Variants in CPB1 observed in about 807,000 individuals in gnomAD.
The protein encoded by CPB1 is carboxypeptidase B1.
CPB1 carries 53 observed loss-of-function variants against 51.4 expected under a neutral mutation model. That is an observed-to-expected ratio of 1.03 (90% CI 0.83 to 1.30). The LOEUF is 1.30. Ranked by LOEUF, CPB1 falls within the 50% of genes most tolerant of loss-of-function variation. CPB1 has a pLI of 0.00. For synonymous variants in CPB1, 189 were observed against 186.9 expected, an observed-to-expected ratio of 1.01 and a Z score of -0.09; for missense variants, 494 against 516.2, an observed-to-expected ratio of 0.96 and a Z score of 0.42.
At chr3:148,843,967 A>C (rs901353779) in intron 6 of CPB1, among the ~76,000 whole-genome samples, 2 of 152,152 alleles carry the variant, frequency 1.3e-5, no homozygotes, top group Non-Finnish European at 2.9e-5. Context: ...CATTCTCATT[A>C]CCTTGTTATA....
At chr3:148,834,239 C>A (rs543232166) in intron 2 of CPB1, among the ~76,000 whole-genome samples, 62 of 152,316 alleles carry the variant, frequency 4.1e-4, no homozygotes, top group African/African-American at 1.4e-3. Context: ...ATACAACCAA[C>A]TAGCATTATG....
intron 9 of CPB1, chr3:148,855,002 G>C (rs1713532947): frequency 6.6e-6 from 1 of 152,322 alleles, no homozygotes; most frequent in Non-Finnish European, 1.5e-5. Context: ...ATGGAGGTCA[G>C]GAGAAGCAGG....
At chr3:148,846,754 T>C (rs67364500) in intron 9 of CPB1, among the ~76,000 whole-genome samples, 2 of 390 alleles carry the variant, frequency 5.1e-3, no homozygotes, top group Non-Finnish European at 0.011. Flanking sequence ...TATATATATA[T>C]ACATATATAT....
At chr3:148,829,640 G>T (rs1467992203) in intron 2 of CPB1, among the ~76,000 whole-genome samples, 1 of 152,028 alleles carries the variant, frequency 6.6e-6, no homozygotes, top group Admixed American at 6.5e-5. Flanking sequence ...AGTCATCCAG[G>T]GCAATAACTC....
chr3:148,842,247 A>T (rs1472719781), intron 6 of CPB1, among the ~76,000 whole-genome samples: 1 of 152,116 alleles, frequency 6.6e-6, no homozygotes, highest in African/African-American at 2.4e-5. Context: ...TATTTATTTG[A>T]ATTTCACTCA....
intron 9 of CPB1, among the ~76,000 whole-genome samples, chr3:148,846,781 A>ATATGTGTGTGTG (rs1713255789): frequency 1.7e-5 from 1 of 58,344 alleles, no homozygotes; most frequent in Non-Finnish European, 3.4e-5. Context: ...ACACATATAT[A>ATATGTGTGTGTG]TGTGTGTGTG....
intron 2 of CPB1, among the ~76,000 whole-genome samples, chr3:148,832,852 G>A (rs1294581625): frequency 2.0e-5 from 3 of 152,108 alleles, no homozygotes; most frequent in Non-Finnish European, 4.4e-5. Flanking sequence ...AAAGGTCCCA[G>A]CAATTATGTG....
chr3:148,827,964 T>C (rs1482692528), intron 1 of CPB1, 38 bp from the exon 2 acceptor site: 8 of 1,612,580 alleles, frequency 5.0e-6, no homozygotes, highest in Non-Finnish European at 5.9e-6. Context: ...ACATTACTCA[T>C]TTCCAATTCT....
chr3:148,845,837 G>T (rs927234501), intron 9 of CPB1, among the ~76,000 whole-genome samples: 1 of 152,062 alleles, frequency 6.6e-6, no homozygotes, highest in Non-Finnish European at 1.5e-5. Context: ...CCCCACATGC[G>T]ATTTATTGAC....
intron 9 of CPB1, among the ~76,000 whole-genome samples, chr3:148,850,624 G>A (rs2108019532): frequency 6.6e-6 from 1 of 152,206 alleles, no homozygotes; most frequent in Middle Eastern, 3.2e-3. Context: ...TACTAAGATA[G>A]AAGTCCACTG....
chr3:148,848,211 T>A (rs1713312197), intron 9 of CPB1, among the ~76,000 whole-genome samples: 2 of 152,104 alleles, frequency 1.3e-5, no homozygotes, highest in African/African-American at 2.4e-5. Flanking sequence ...AGAATATGAG[T>A]CTCTCAAAAA....
chr3:148,855,173 T>C (rs1009823126), intron 9 of CPB1: 1 of 152,214 alleles, frequency 6.6e-6, no homozygotes, highest in Admixed American at 6.5e-5. Flanking sequence ...GACGTGGTGA[T>C]GAGGTGATCT....
At chr3:148,829,362 A>G (rs1712662957) in intron 2 of CPB1, among the ~76,000 whole-genome samples, 2 of 152,170 alleles carry the variant, frequency 1.3e-5, no homozygotes, top group Non-Finnish European at 2.9e-5. Context: ...CTTCATTTGT[A>G]AAGCAGACAT....
intron 5 of CPB1, 27 bp downstream of exon 5, chr3:148,841,002 C>T (rs1165775447): frequency 1.3e-6 from 2 of 1,567,460 alleles, no homozygotes; most frequent in Admixed American, 1.7e-5. Context: ...ATGACCTTGC[C>T]ATGTCTGAGG....
chr3:148,835,337 G>A (rs1712871917), intron 3 of CPB1, among the ~76,000 whole-genome samples: 1 of 152,150 alleles, frequency 6.6e-6, no homozygotes, highest in South Asian at 2.1e-4. Flanking sequence ...ATCCTTTAGG[G>A]GAAAACAGAC....
intron 9 of CPB1, among the ~76,000 whole-genome samples, chr3:148,853,277 C>T (rs1263470997): frequency 6.6e-6 from 1 of 152,166 alleles, no homozygotes; most frequent in Non-Finnish European, 1.5e-5. Context: ...AGGCAGCCCC[C>T]TGTCATGATG....
At chr3:148,847,570 C>T (rs1713295614) in intron 9 of CPB1, among the ~76,000 whole-genome samples, 1 of 152,070 alleles carries the variant, frequency 6.6e-6, no homozygotes, top group South Asian at 2.1e-4. Flanking sequence ...ATACTCTTCC[C>T]TAAGAGTCAC....
chr3:148,834,092 C>T (rs182791106), intron 2 of CPB1, among the ~76,000 whole-genome samples: 1 of 152,136 alleles, frequency 6.6e-6, no homozygotes, highest in Non-Finnish European at 1.5e-5. Context: ...AGTAAAACAG[C>T]TTCATATTTC....
chr3:148,859,857 G>A lies in CPB1; in HGVS notation c.1109G>A (p.Gly370Glu). The change falls in exon 11 of 11, where the codon GGA (glycine) becomes GAA (glutamate). Residue 370 changes from glycine to glutamate, a missense_variant. Physicochemically the swap from Gly to Glu is moderately conservative, Grantham distance 98. Transcript: ENST00000282957. Reference sequence around the variant, plus strand: ...TCTGACGACTGGGCTTATGACCAAGGAATCAGATATTCCTTCACCTTTGAA... The same window carrying A: ...TCTGACGACTGGGCTTATGACCAAGAAATCAGATATTCCTTCACCTTTGAA... ...GGSDDWAYDQ[G>E]IRYSFTFELR... The A allele has an allele frequency of 1.2e-6, 2 of 1,614,080 alleles. No homozygotes were observed.
Sources: allele counts gnomAD v4.1 joint callset (sites outside exome capture counted in the v4.1 genomes callset), GRCh38; gene constraint gnomAD v4.1.1; transcripts MANE v1.5; gene names NCBI Gene and HGNC (gene_info 2026-07-23, HGNC 2026-07-21).